Variants in AUTS2 observed in about 807,000 individuals in gnomAD.
AUTS2 encodes autism susceptibility gene 2 protein.
A neutral mutation model predicts 112.4 loss-of-function variants in AUTS2; 17 were observed. The observed-to-expected ratio is 0.15, with a 90% CI of 0.10 to 0.23. The LOEUF (loss-of-function observed/expected upper bound fraction) is 0.23. Ranked by LOEUF, AUTS2 falls within the 10% of genes least tolerant of loss-of-function variation. AUTS2 has a pLI of 1.00. For missense variants in AUTS2, 1,510 were observed against 1,701.6 expected, an observed-to-expected ratio of 0.89 and a Z score of 1.98; for synonymous variants, 751 against 702.7, an observed-to-expected ratio of 1.07 and a Z score of -1.09.
At chr7:70,193,140 C>T (rs1809991434) in intron 4 of AUTS2, among the ~76,000 whole-genome samples, 1 of 152,188 alleles carries the variant, frequency 6.6e-6, no homozygotes, top group Admixed American at 6.5e-5. Context: ...ATGGCTGTGT[C>T]TAGAGGTTCT....
At chr7:70,596,922 G>A (rs943576267) in intron 5 of AUTS2, 2 of 152,212 alleles carry the variant, frequency 1.3e-5, no homozygotes, top group African/African-American at 4.8e-5. Context: ...GTAGCAATTA[G>A]GAGTTCAGTA....
intron 2 of AUTS2, among the ~76,000 whole-genome samples, chr7:70,006,058 G>A (rs749316726): frequency 6.6e-6 from 1 of 152,094 alleles, no homozygotes; most frequent in Non-Finnish European, 1.5e-5. Context: ...AAGAAAGCAC[G>A]GCCCACCACT....
intron 5 of AUTS2, among the ~76,000 whole-genome samples, chr7:70,663,374 G>C (rs1563110970): frequency 6.6e-6 from 1 of 152,186 alleles, no homozygotes; most frequent in Non-Finnish European, 1.5e-5. Context: ...ACTCCAGCCT[G>C]GGCAACAGCG....
chr7:70,454,010 A>G (rs1796633265), intron 5 of AUTS2, among the ~76,000 whole-genome samples: 1 of 152,188 alleles, frequency 6.6e-6, no homozygotes, highest in Admixed American at 6.5e-5. Context: ...GATCTGGCAA[A>G]GAGGGGCAAG....
intron 4 of AUTS2, among the ~76,000 whole-genome samples, chr7:70,204,208 G>A (rs760260744): frequency 4.3e-4 from 65 of 152,088 alleles, no homozygotes; most frequent in Non-Finnish European, 7.9e-4. Flanking sequence ...ATTTTCAAAA[G>A]GATATAAATA....
intron 6 of AUTS2, among the ~76,000 whole-genome samples, chr7:70,755,238 T>A (rs1789122106): frequency 6.6e-6 from 1 of 151,316 alleles, no homozygotes; most frequent in South Asian, 2.1e-4. Flanking sequence ...CACTCCAGCG[T>A]GGGCGACAGA....
intron 5 of AUTS2, among the ~76,000 whole-genome samples, chr7:70,465,193 T>C (rs537123587): frequency 1.3e-5 from 2 of 152,328 alleles, no homozygotes; most frequent in South Asian, 4.1e-4. Flanking sequence ...AGTTTTCTTC[T>C]GCCTCCCCTT....
At chr7:70,120,750 G>A (rs1805639940) in intron 3 of AUTS2, among the ~76,000 whole-genome samples, 1 of 152,100 alleles carries the variant, frequency 6.6e-6, no homozygotes, top group Non-Finnish European at 1.5e-5. Flanking sequence ...TAGAAAGACA[G>A]TATTATTAAG....
intron 1 of AUTS2, among the ~76,000 whole-genome samples, chr7:69,699,160 T>A (rs1420509126): frequency 6.6e-6 from 1 of 152,180 alleles, no homozygotes; most frequent in Non-Finnish European, 1.5e-5. Context: ...CTGTCATTCA[T>A]GGGATTGATG....
intron 5 of AUTS2, among the ~76,000 whole-genome samples, chr7:70,618,179 C>T (rs1481626838): frequency 6.6e-6 from 1 of 152,216 alleles, no homozygotes; most frequent in Non-Finnish European, 1.5e-5. Context: ...GAGAACAAGG[C>T]ATTAACACGT....
chr7:70,691,575 C>T (rs1808756838), intron 5 of AUTS2, among the ~76,000 whole-genome samples: 2 of 152,100 alleles, frequency 1.3e-5, no homozygotes, highest in South Asian at 4.1e-4. Flanking sequence ...ACATTCATTC[C>T]CATCCCCGCT....
At chr7:69,950,058 T>C (rs1796964168) in intron 2 of AUTS2, among the ~76,000 whole-genome samples, 1 of 152,150 alleles carries the variant, frequency 6.6e-6, no homozygotes, top group Non-Finnish European at 1.5e-5. Context: ...AAGAGATCAA[T>C]TGAATGAATA....
intron 2 of AUTS2, among the ~76,000 whole-genome samples, chr7:70,016,475 C>A (rs189683072): frequency 6.6e-6 from 1 of 152,078 alleles, no homozygotes; most frequent in East Asian, 1.9e-4. Flanking sequence ...ACTTTGGCTG[C>A]CTCTGTGGTC....
intron 1 of AUTS2, among the ~76,000 whole-genome samples, chr7:69,742,784 TA>T (rs1360009032): frequency 6.6e-6 from 1 of 152,222 alleles, no homozygotes; most frequent in African/African-American, 2.4e-5. Flanking sequence ...AGAACACATT[TA>T]AAGCTCTTCT....
Position 70,696,674 on chromosome 7 carries a change from AAC to A in AUTS2, c.691-1874_691-1873del, listed in dbSNP as rs35577599. On this transcript the variant is annotated intron_variant, in intron 5 of 18. Transcript: ENST00000342771. ...CCACAGCTTCTGTCCTTTTCACTCG[AAC>A]ACACACACACACACACACACTAAGT... Among the ~76,000 whole-genome samples, 777 of 149,890 alleles carry A rather than the reference AAC, an allele frequency of 5.2e-3. 6 individuals are homozygous for A. Among genetic ancestry groups the A allele is most frequent in the African/African-American group, 0.016 (661 of 41,018 alleles).
rs143208421 is a variant in AUTS2, at chr7:70,657,617, C to G, written c.691-40952C>G. ...GCCCAGGCCACTTGTGGAGCCATCTCTGGAATATTACTGAGCATCTAATTT... is the reference window on the plus strand; with the variant it reads ...GCCCAGGCCACTTGTGGAGCCATCTGTGGAATATTACTGAGCATCTAATTT... On this transcript the variant is annotated intron_variant, in intron 5 of 18. Coordinates refer to ENST00000342771, the MANE Select transcript of AUTS2 (RefSeq NM_015570.4). 2.4e-3 allele frequency among the ~76,000 whole-genome samples: 360 copies of G among 152,320 alleles called. 1 individual carries two copies. The highest frequency in any genetic ancestry group is 7.7e-3 in the African/African-American group (319 of 41,564).
intron 4 of AUTS2, among the ~76,000 whole-genome samples, chr7:70,269,781 C>T (rs1236618158): frequency 1.3e-5 from 2 of 151,808 alleles, no homozygotes; most frequent in African/African-American, 4.8e-5. Flanking sequence ...GCAAACCAAA[C>T]TCTTTGGCTC....
At chr7:69,959,875 T>C (rs1400545850) in intron 2 of AUTS2, among the ~76,000 whole-genome samples, 1 of 152,132 alleles carries the variant, frequency 6.6e-6, no homozygotes, top group Non-Finnish European at 1.5e-5. Context: ...CCATAAATAA[T>C]GGTTTAACTG....
At chr7:70,070,307 A>C (rs919783838) in intron 2 of AUTS2, among the ~76,000 whole-genome samples, 2 of 151,956 alleles carry the variant, frequency 1.3e-5, no homozygotes, top group Non-Finnish European at 2.9e-5. Flanking sequence ...TGCTGGGCGC[A>C]GTGGCCTGTA....
Sources: gnomAD v4.1 joint callset for allele counts (sites outside exome capture counted in the v4.1 genomes callset) on GRCh38, gnomAD v4.1.1 for gene constraint, MANE v1.5 for transcripts, NCBI Gene and HGNC (gene_info 2026-07-23, HGNC 2026-07-21) for gene names.